The following PCDHGA8 variants were observed in gnomAD, a reference collection of about 807,000 sequenced individuals.
PCDHGA8 encodes protocadherin gamma-A8.
In PCDHGA8, 45 loss-of-function variants were observed where a neutral mutation model predicts 59.2. The ratio of observed to expected loss-of-function variants is 0.76; its 90% CI spans 0.60 to 0.98. The LOEUF (loss-of-function observed/expected upper bound fraction) is 0.98. Ranked by LOEUF, PCDHGA8 falls within the 50% of genes least tolerant of loss-of-function variation. The pLI is 0.00. For missense variants in PCDHGA8, 1,257 were observed against 1,196.2 expected, an observed-to-expected ratio of 1.05 and a Z score of -0.75; for synonymous variants, 531 against 519.0, an observed-to-expected ratio of 1.02 and a Z score of -0.32.
chr5:141,479,572 T>G (rs956648090), intron 1 of PCDHGA8: 2 of 152,190 alleles, frequency 1.3e-5, no homozygotes, highest in African/African-American at 2.4e-5. Context: ...TGGGATGACA[T>G]CTGTGAATAG....
chr5:141,480,710 T>C (rs1174000425), intron 1 of PCDHGA8, among the ~76,000 whole-genome samples: 1 of 152,042 alleles, frequency 6.6e-6, no homozygotes, highest in East Asian at 1.9e-4. Context: ...CCCCGACAAA[T>C]GAAAGCACAG....
intron 1 of PCDHGA8, chr5:141,400,097 A>G: frequency 6.2e-7 from 1 of 1,614,048 alleles, no homozygotes; most frequent in Non-Finnish European, 8.5e-7. Flanking sequence ...GCCACGCTGC[A>G]CTTGGTCTTT....
intron 2 of PCDHGA8, among the ~76,000 whole-genome samples, chr5:141,502,908 C>G (rs1398336138): frequency 1.5e-5 from 2 of 132,418 alleles, no homozygotes; most frequent in Non-Finnish European, 3.0e-5. Flanking sequence ...TGTTGCCAGG[C>G]TGGAGTGCAG....
At chr5:141,397,027 G>A (rs1374788251) in intron 1 of PCDHGA8, among the ~76,000 whole-genome samples, 1 of 152,200 alleles carries the variant, frequency 6.6e-6, no homozygotes, top group Non-Finnish European at 1.5e-5. Flanking sequence ...GTTGACCAAT[G>A]TCCACAAATT....
In PCDHGA8 at chr5:141,403,493, A is replaced by G. The variant is rs762825635; in HGVS notation, c.2424+8256A>G. The G allele has an allele frequency of 8.7e-6, 14 of 1,613,886 alleles. No homozygotes were observed. The highest frequency in any genetic ancestry group is 5.0e-5 in the Admixed American group (3 of 59,998). Reference sequence around the variant, plus strand: ...CAGCCCCAATCACCACTTCTCCCTGAACGTGCAGACTGGAGACAATGGAGC... The same window carrying G: ...CAGCCCCAATCACCACTTCTCCCTGGACGTGCAGACTGGAGACAATGGAGC... On this transcript the variant is annotated intron_variant, in intron 1 of 3. Coordinates refer to ENST00000398604, the MANE Select transcript of PCDHGA8 (RefSeq NM_032088.2).
rs558513172 is a variant in PCDHGA8 at position 141,424,015 on chromosome 5, A to T, written c.2424+28778A>T. The T allele has an allele frequency of 3.0e-5, 32 of 1,060,896 alleles. No individual in the cohort carries two copies. The Admixed American group carries it at 3.2e-4, about 11-fold the overall frequency. The allele number at this position is 1,060,896 out of a possible 1,614,324, so 65.7% of individuals were successfully genotyped here. A position where few individuals can be genotyped will look rare whatever the true frequency, so the allele number is the denominator to read the frequency against. ...TATTATATATAGATACAAATTAATGATTCACAAACACTTTTTATTTCCATT... is the reference window on the plus strand; with the variant it reads ...TATTATATATAGATACAAATTAATGTTTCACAAACACTTTTTATTTCCATT... On this transcript the variant is annotated intron_variant, in intron 1 of 3. Transcript: ENST00000398604.
At position 141,398,847 on chromosome 5, in the gene PCDHGA8, G is replaced by C. The variant is rs773663002; in HGVS notation, c.2424+3610G>C. ...TAACCGACGCCAATGATAATCCCCC[G>C]GTATTCAACCGAGACGTGTACAGAG... On this transcript the variant is annotated intron_variant, in intron 1 of 3. Coordinates refer to ENST00000398604, the MANE Select transcript of PCDHGA8 (RefSeq NM_032088.2). The C allele has an allele frequency of 3.8e-5, 62 of 1,613,758 alleles. 1 individual carries two copies. In the Admixed American group the frequency reaches 1.0e-3, roughly 27 times the overall value.
At position 141,418,922 on chromosome 5, in the gene PCDHGA8, C is replaced by G. The variant is rs180948941; in HGVS notation, c.2424+23685C>G. The G allele has an allele frequency of 3.7e-6, 6 of 1,613,994 alleles. 1 individual carries two copies. In the Admixed American group the frequency reaches 6.7e-5, roughly 18 times the overall value. On this transcript the variant is annotated intron_variant, in intron 1 of 3. Coordinates refer to ENST00000398604, the MANE Select transcript of PCDHGA8 (RefSeq NM_032088.2). ...AATAATCATCACGTCACTCTCTGAT[C>G]AGATTATGGAGGATTCCCCTCCAGG...
intron 1 of PCDHGA8, chr5:141,417,926 C>T (rs779409064): frequency 6.2e-7 from 1 of 1,610,108 alleles, no homozygotes; most frequent in East Asian, 2.2e-5. Context: ...TTTGCTGCTG[C>T]CTTTGTTCTA....
chr5:141,503,654 G>C (rs1248501987), intron 2 of PCDHGA8, among the ~76,000 whole-genome samples: 1 of 150,388 alleles, frequency 6.6e-6, no homozygotes, highest in Non-Finnish European at 1.5e-5. Flanking sequence ...AATGGAAACA[G>C]AATTACAACT....
rs61612330 is a variant in PCDHGA8 at position 141,454,796 on chromosome 5, A to ATTTTTTTTT, written c.2425-39990_2425-39982dup. Among the ~76,000 whole-genome samples the ATTTTTTTTT allele has an allele frequency of 8.2e-3, 638 of 77,468 alleles. 91 individuals carry two copies. The highest frequency in any genetic ancestry group is 0.025 in the African/African-American group (426 of 16,886). 50.8% of individuals were successfully genotyped at this position (77,468 alleles called of 152,430 possible). On this transcript the variant is annotated intron_variant, in intron 1 of 3. Coordinates refer to ENST00000398604, the MANE Select transcript of PCDHGA8 (RefSeq NM_032088.2). ...AAGGAAATAATCCTCCATGGTTCTA[A>ATTTTTTTTT]TTTTTTTTTTTTTTTTTTTTTTTTT...
chr5:141,503,075 G>A (rs1373753092), intron 2 of PCDHGA8, among the ~76,000 whole-genome samples: 1 of 151,438 alleles, frequency 6.6e-6, no homozygotes, highest in African/African-American at 2.4e-5. Context: ...GAATGGTCTC[G>A]ATCTCCTGAC....
At chr5:141,443,317 C>CAA (rs35054295) in intron 1 of PCDHGA8, among the ~76,000 whole-genome samples, 2,546 of 141,926 alleles carry the variant, frequency 0.018, 55 homozygotes, top group African/African-American at 0.052. Flanking sequence ...CCCATCTCTA[C>CAA]AAAAAAAAAA....
intron 1 of PCDHGA8, chr5:141,419,816 C>A (rs910172118): frequency 7.4e-6 from 12 of 1,613,940 alleles, no homozygotes; most frequent in Non-Finnish European, 1.0e-5. Context: ...AGGACAGCCA[C>A]CCCTTTCAGC....
At chr5:141,438,548 C>T (rs1423036586) in intron 1 of PCDHGA8, among the ~76,000 whole-genome samples, 2 of 135,792 alleles carry the variant, frequency 1.5e-5, no homozygotes, top group Non-Finnish European at 3.1e-5. Context: ...ATATCTAAGC[C>T]CTAATAAGAG....
chr5:141,451,112 G>A (rs776356458), intron 1 of PCDHGA8, among the ~76,000 whole-genome samples: 9 of 152,236 alleles, frequency 5.9e-5, no homozygotes, highest in Admixed American at 1.3e-4. Flanking sequence ...ACAGGCGTGA[G>A]CCACCACACC....
chr5:141,418,954 T>C (rs1490406390), intron 1 of PCDHGA8: 2 of 1,613,914 alleles, frequency 1.2e-6, no homozygotes, highest in Admixed American at 1.7e-5. Flanking sequence ...CAGGAGTGGT[T>C]GTTGCCCTCT....
In PCDHGA8 at chr5:141,431,710, G is replaced by A. The variant is rs1249423969; in HGVS notation, c.2424+36473G>A. On this transcript the variant is annotated intron_variant, in intron 1 of 3. Coordinates refer to ENST00000398604, the MANE Select transcript of PCDHGA8 (RefSeq NM_032088.2). The surrounding 1 kb of genome is among the most constrained non-coding windows in gnomAD (Gnocchi z 4.8). ...ACGAGGAGTCAGGATTCTACCAGAT[G>A]GAAGTGCAAGCAATGGATAATGCAG... is the stretch of plus-strand genomic sequence containing the variant. 3.1e-6 allele frequency: 5 copies of A among 1,614,116 alleles called. No individual in the cohort carries two copies. Among genetic ancestry groups the A allele is most frequent in the South Asian group, 1.1e-5 (1 of 91,088 alleles).
chr5:141,500,394 A>G (rs1024641290), intron 2 of PCDHGA8, among the ~76,000 whole-genome samples: 1 of 151,922 alleles, frequency 6.6e-6, no homozygotes, highest in Non-Finnish European at 1.5e-5. Flanking sequence ...TATTTTTAGT[A>G]GAGACGGGGT....
Sources: allele counts gnomAD v4.1 joint callset (sites outside exome capture counted in the v4.1 genomes callset), GRCh38; gene constraint gnomAD v4.1.1; non-coding constraint Gnocchi (gnomAD v3.1); transcripts MANE v1.5; gene names NCBI Gene and HGNC (gene_info 2026-07-23, HGNC 2026-07-21).